The following MCC variants were observed in gnomAD, a reference collection of about 807,000 sequenced individuals.
The protein encoded by MCC is colorectal mutant cancer protein.
Under a neutral mutation model 116.2 loss-of-function variants are expected in MCC, and 90 were observed. That is an observed-to-expected ratio of 0.77 (90% CI 0.65 to 0.92). The LOEUF is 0.92. MCC is among the 40% of genes least tolerant of loss of function. The pLI is 0.00. For synonymous variants in MCC, 578 were observed against 510.5 expected (o/e 1.13, Z -1.78); for missense variants, 1,516 against 1,312.2 (o/e 1.16, Z -2.40).
At chr5:113,039,612 C>T (rs909710222) in intron 17 of MCC, among the ~76,000 whole-genome samples, 1 of 152,140 alleles carries the variant, frequency 6.6e-6, no homozygotes, top group Non-Finnish European at 1.5e-5. Flanking sequence ...ACATGTGGGG[C>T]ACAAGGGGTC....
At chr5:113,114,888 C>T (rs1247681080) in intron 6 of MCC, among the ~76,000 whole-genome samples, 1 of 152,144 alleles carries the variant, frequency 6.6e-6, no homozygotes. Flanking sequence ...CCTGATTTTT[C>T]CTGGATGCCA....
intron 3 of MCC, among the ~76,000 whole-genome samples, chr5:113,300,086 G>T (rs551048075): frequency 1.3e-5 from 2 of 152,284 alleles, no homozygotes; most frequent in African/African-American, 4.8e-5. Flanking sequence ...GCCTCTCTGT[G>T]TATGGCTGCC....
chr5:113,407,229 T>C (rs1240581155), intron 1 of MCC, among the ~76,000 whole-genome samples: 1 of 152,170 alleles, frequency 6.6e-6, no homozygotes, highest in Non-Finnish European at 1.5e-5. Flanking sequence ...TATAAAGCAG[T>C]TGAGCTGAGA....
At chr5:113,435,143 G>T (rs1580372296) in intron 1 of MCC, 1 of 363,700 alleles carries the variant, frequency 2.7e-6, no homozygotes, top group East Asian at 4.2e-5. Flanking sequence ...GCAGAAAGTG[G>T]CCTCGTGTCT....
chr5:113,027,932 C>T (rs1750683284), intron 18 of MCC, among the ~76,000 whole-genome samples: 1 of 152,168 alleles, frequency 6.6e-6, no homozygotes, highest in Non-Finnish European at 1.5e-5. Context: ...GTTCTTGTTC[C>T]ACCTTCCCTT....
chr5:113,361,166 T>C (rs1336472140), intron 2 of MCC, among the ~76,000 whole-genome samples: 1 of 152,162 alleles, frequency 6.6e-6, no homozygotes, highest in Admixed American at 6.5e-5. Context: ...CCTGGCTTTC[T>C]AATCGTCTTT....
intron 8 of MCC, among the ~76,000 whole-genome samples, chr5:113,100,554 C>A (rs1174718928): frequency 1.4e-5 from 2 of 147,958 alleles, no homozygotes; most frequent in African/African-American, 5.0e-5. Context: ...CCACTGCAAC[C>A]CCCGCCTCCC....
At chr5:113,129,338 A>C (rs1274634899) in intron 5 of MCC, among the ~76,000 whole-genome samples, 1 of 152,244 alleles carries the variant, frequency 6.6e-6, no homozygotes, top group African/African-American at 2.4e-5. Context: ...GAAAGAGACC[A>C]ATGACAAAAA....
chr5:113,194,930 C>T (rs925639088), intron 3 of MCC, among the ~76,000 whole-genome samples: 9 of 152,210 alleles, frequency 5.9e-5, no homozygotes, highest in African/African-American at 2.2e-4. Flanking sequence ...CAGCAGGCCT[C>T]ACTTCTGTTG....
At chr5:113,388,349 C>T (rs1026927085) in intron 1 of MCC, among the ~76,000 whole-genome samples, 2 of 152,108 alleles carry the variant, frequency 1.3e-5, no homozygotes, top group Non-Finnish European at 2.9e-5. Context: ...AACTAACAAG[C>T]CTGCAGGGGA....
At chr5:113,027,536 G>A (rs1297600993) in intron 18 of MCC, 54 bp from the exon 19 acceptor site, 3 of 1,512,070 alleles carry the variant, frequency 2.0e-6, no homozygotes, top group Non-Finnish European at 2.7e-6. Context: ...GTAGCATCGT[G>A]ACACCATCCT....
At chr5:113,419,980 C>T (rs920959714) in intron 1 of MCC, among the ~76,000 whole-genome samples, 1 of 149,918 alleles carries the variant, frequency 6.7e-6, no homozygotes, top group Non-Finnish European at 1.5e-5. Flanking sequence ...ATGTAACAAA[C>T]CTGCACGTTG....
intron 3 of MCC, among the ~76,000 whole-genome samples, chr5:113,243,046 A>G (rs66893265): frequency 0.16 from 24,327 of 152,202 alleles, 2,292 homozygotes; most frequent in Admixed American, 0.29. Flanking sequence ...AAAATATCCA[A>G]TGTAGTGGTC....
At chr5:113,423,795 C>G (rs1303029100) in intron 1 of MCC, among the ~76,000 whole-genome samples, 1 of 152,254 alleles carries the variant, frequency 6.6e-6, no homozygotes, top group East Asian at 1.9e-4. Flanking sequence ...GGGCAGAAAA[C>G]TAATTTATTT....
At chr5:113,117,280 C>T (rs1757450390) in intron 6 of MCC, among the ~76,000 whole-genome samples, 1 of 152,192 alleles carries the variant, frequency 6.6e-6, no homozygotes, top group South Asian at 2.1e-4. Flanking sequence ...GAGAATCTGG[C>T]TTTAGCATCA....
intron 3 of MCC, among the ~76,000 whole-genome samples, chr5:113,166,600 A>G (rs1030536241): frequency 2.0e-5 from 3 of 151,956 alleles, no homozygotes; most frequent in African/African-American, 7.3e-5. Flanking sequence ...GAGTCTTCGT[A>G]ATAGAGTTTA....
intron 3 of MCC, among the ~76,000 whole-genome samples, chr5:113,322,793 A>C (rs1014985316): frequency 6.6e-6 from 1 of 152,202 alleles, no homozygotes; most frequent in Non-Finnish European, 1.5e-5. Flanking sequence ...TAAGCAATGA[A>C]TTGGTAATAG....
chr5:113,212,557 C>T (rs1458618667), intron 3 of MCC, among the ~76,000 whole-genome samples: 1 of 152,178 alleles, frequency 6.6e-6, no homozygotes, highest in African/African-American at 2.4e-5. Context: ...ACAAAAAATG[C>T]AAGCCTCTAG....
At chr5:113,467,943 G>T (rs1771962912) in intron 1 of MCC, among the ~76,000 whole-genome samples, 1 of 152,038 alleles carries the variant, frequency 6.6e-6, no homozygotes, top group South Asian at 2.1e-4. Context: ...TCTCTTTGAA[G>T]CAATTGTGAA....
Sources: allele counts gnomAD v4.1 joint callset (sites outside exome capture counted in the v4.1 genomes callset), GRCh38; gene constraint gnomAD v4.1.1; transcripts MANE v1.5; gene names NCBI Gene and HGNC (gene_info 2026-07-23, HGNC 2026-07-21).